The following XYLT1 variants were observed in gnomAD, a reference collection of about 807,000 sequenced individuals.
The protein encoded by XYLT1 is beta-D-xylosyltransferase 1.
Under a neutral mutation model 91.3 loss-of-function variants are expected in XYLT1, and 36 were observed. That is an observed-to-expected ratio of 0.39 (90% CI 0.30 to 0.52). XYLT1 has a LOEUF of 0.52. Ranked by LOEUF, XYLT1 falls within the 20% of genes least tolerant of loss-of-function variation. The pLI is 0.68. For synonymous variants in XYLT1, 588 were observed against 532.0 expected (o/e 1.11, Z -1.45); for missense variants, 1,242 against 1,284.5 (o/e 0.97, Z 0.51).
At chr16:17,155,466 T>C (rs916175641) in intron 6 of XYLT1, among the ~76,000 whole-genome samples, 3 of 152,102 alleles carry the variant, frequency 2.0e-5, no homozygotes, top group African/African-American at 7.2e-5. Context: ...TTGAGCTGGG[T>C]TTCTGTCATT....
chr16:17,309,923 G>GT (rs2034519566), intron 2 of XYLT1, among the ~76,000 whole-genome samples: 1 of 152,162 alleles, frequency 6.6e-6, no homozygotes, highest in Non-Finnish European at 1.5e-5. Context: ...CATAGGTCAC[G>GT]GGGGTAGGGG....
chr16:17,228,185 C>G (rs540939592), intron 3 of XYLT1, among the ~76,000 whole-genome samples: 1 of 152,210 alleles, frequency 6.6e-6, no homozygotes, highest in Admixed American at 6.5e-5. Context: ...CTGGGGAAGC[C>G]CAACTGTAAA....
chr16:17,273,368 G>A (rs1229906477), intron 2 of XYLT1, among the ~76,000 whole-genome samples: 1 of 152,094 alleles, frequency 6.6e-6, no homozygotes, highest in African/African-American at 2.4e-5. Context: ...GACTCAATAC[G>A]CAGTAGCTGA....
At chr16:17,264,924 C>T (rs1317593280) in intron 2 of XYLT1, among the ~76,000 whole-genome samples, 1 of 152,112 alleles carries the variant, frequency 6.6e-6, no homozygotes, top group Non-Finnish European at 1.5e-5. Flanking sequence ...CACAGTGGCT[C>T]ACACCTGTAA....
At chr16:17,266,380 G>A (rs576567623) in intron 2 of XYLT1, among the ~76,000 whole-genome samples, 57 of 152,308 alleles carry the variant, frequency 3.7e-4, no homozygotes, top group African/African-American at 1.3e-3. Flanking sequence ...CTTAGGTTCC[G>A]TTCCAAGCCT....
At chr16:17,223,419 A>G (rs2033007733) in intron 3 of XYLT1, among the ~76,000 whole-genome samples, 1 of 152,216 alleles carries the variant, frequency 6.6e-6, no homozygotes, top group South Asian at 2.1e-4. Context: ...TATTCATGGC[A>G]CTCACTACAA....
chr16:17,134,960 GTAA>G (rs2030655758), intron 8 of XYLT1, among the ~76,000 whole-genome samples: 4 of 152,084 alleles, frequency 2.6e-5, no homozygotes, highest in Non-Finnish European at 5.9e-5. Flanking sequence ...TAGGCACTTA[GTAA>G]GCATCATTTC....
intron 2 of XYLT1, among the ~76,000 whole-genome samples, chr16:17,335,154 A>G (rs573447763): frequency 1.1e-4 from 17 of 150,694 alleles, no homozygotes; most frequent in African/African-American, 4.2e-4. Flanking sequence ...GAACGCGGGG[A>G]CGTTGCAGTG....
intron 3 of XYLT1, among the ~76,000 whole-genome samples, chr16:17,219,827 G>C (rs972419199): frequency 6.6e-6 from 1 of 152,008 alleles, no homozygotes; most frequent in Admixed American, 6.6e-5. Flanking sequence ...TCAGGAGTTC[G>C]AGACCAGCCT....
At chr16:17,367,909 T>G (rs753807799) in intron 1 of XYLT1, among the ~76,000 whole-genome samples, 5 of 152,194 alleles carry the variant, frequency 3.3e-5, no homozygotes. Flanking sequence ...AAATTCAGTG[T>G]AGAATGTCAG....
intron 2 of XYLT1, among the ~76,000 whole-genome samples, chr16:17,332,678 G>C (rs2034919377): frequency 6.6e-6 from 1 of 151,894 alleles, no homozygotes; most frequent in Non-Finnish European, 1.5e-5. Flanking sequence ...CCTCTCTAGA[G>C]GTCAGCTTGC....
At chr16:17,295,101 A>G (rs1278818752) in intron 2 of XYLT1, among the ~76,000 whole-genome samples, 3 of 152,098 alleles carry the variant, frequency 2.0e-5, no homozygotes, top group Non-Finnish European at 4.4e-5. Context: ...TGAAAAGGTG[A>G]GGTATAAGCA....
Position 17,103,397 on chromosome 16 carries a change from A to G in XYLT1, c.*5298T>C, listed in dbSNP as rs555265454. 3.3e-5 allele frequency: 5 copies of G among 152,384 alleles called. No homozygotes were observed. In the East Asian group the frequency reaches 7.7e-4, roughly 24 times the overall value. The allele number at this position is 152,384 out of a possible 1,614,324, so 9.4% of individuals were successfully genotyped here. ...TTGCCCATAGGAAAAATATAAGAAC[A>G]TTTTTCTTAAAGACGACATTTGTAA... On this transcript the variant is annotated 3_prime_UTR_variant, in exon 12 of 12. Coordinates refer to ENST00000261381, the MANE Select transcript of XYLT1 (RefSeq NM_022166.4).
chr16:17,349,011 GCTT>G (rs2035183961), intron 2 of XYLT1, among the ~76,000 whole-genome samples: 1 of 152,244 alleles, frequency 6.6e-6, no homozygotes, highest in Non-Finnish European at 1.5e-5. Context: ...AGCACCACGG[GCTT>G]CTGCCTCAGT....
chr16:17,175,214 C>T (rs965258723), intron 5 of XYLT1, among the ~76,000 whole-genome samples: 6 of 152,146 alleles, frequency 3.9e-5, no homozygotes, highest in East Asian at 1.9e-4. Context: ...ATTTTATATA[C>T]GCTATCCACC....
At chr16:17,283,222 G>A (rs2034084037) in intron 2 of XYLT1, among the ~76,000 whole-genome samples, 1 of 152,180 alleles carries the variant, frequency 6.6e-6, no homozygotes, top group Non-Finnish European at 1.5e-5. Flanking sequence ...ATGGAGCCCA[G>A]GCAGCAGATG....
intron 1 of XYLT1, among the ~76,000 whole-genome samples, chr16:17,412,960 C>T (rs186477097): frequency 1.2e-4 from 18 of 152,288 alleles, no homozygotes; most frequent in East Asian, 1.9e-4. Flanking sequence ...CTGACTTCTG[C>T]GACCAATATA....
At chr16:17,288,228 C>T (rs1418737271) in intron 2 of XYLT1, among the ~76,000 whole-genome samples, 1 of 151,538 alleles carries the variant, frequency 6.6e-6, no homozygotes, top group African/African-American at 2.4e-5. Flanking sequence ...TGGGCCCCAC[C>T]TAGACATAAT....
intron 2 of XYLT1, among the ~76,000 whole-genome samples, chr16:17,300,091 T>C (rs1438048023): frequency 6.6e-6 from 1 of 152,100 alleles, no homozygotes; most frequent in Non-Finnish European, 1.5e-5. Context: ...CACAGCTAAA[T>C]CAATAACCAG....
Sources: gnomAD v4.1 joint callset for allele counts (sites outside exome capture counted in the v4.1 genomes callset) on GRCh38, gnomAD v4.1.1 for gene constraint, MANE v1.5 for transcripts, NCBI Gene and HGNC (gene_info 2026-07-23, HGNC 2026-07-21) for gene names.